Variants in PRIM2 observed in about 807,000 individuals in gnomAD.
PRIM2 encodes the protein DNA primase subunit 2, also known as DNA primase large subunit.
In PRIM2, 39 loss-of-function variants were observed where a neutral mutation model predicts 67.3. The observed-to-expected ratio is 0.58, with a 90% CI of 0.45 to 0.76. PRIM2 has a LOEUF of 0.76. Ranked by LOEUF, PRIM2 falls within the 30% of genes least tolerant of loss-of-function variation. The pLI, the probability that PRIM2 is intolerant of heterozygous loss-of-function variation, is 0.00. For missense variants in PRIM2, 398 were observed against 598.7 expected (o/e 0.66, Z 3.50); for synonymous variants, 143 against 198.7 (o/e 0.72, Z 2.36).
Position 57,454,625 on chromosome 6 carries a change from G to A in PRIM2, c.694-52762G>A, listed in dbSNP as rs1466348257. On this transcript the variant is annotated intron_variant, in intron 7 of 13. Coordinates refer to ENST00000615550, the MANE Select transcript of PRIM2 (RefSeq NM_000947.5). ...AGTTTGTATTTCTGTGGGATTGGTG[G>A]TGATATCCCCTTTATCATTTTTTAT... Among the ~76,000 whole-genome samples, 5 of 152,034 alleles carry A rather than the reference G, an allele frequency of 3.3e-5. No homozygotes were observed. In the East Asian group the frequency reaches 5.8e-4, roughly 18 times the overall value.
At chr6:57,265,084 A>G in the PRIM2 span, among the ~76,000 whole-genome samples, 12 of 152,216 alleles carry the variant, frequency 7.9e-5, no homozygotes, top group Non-Finnish European at 1.5e-4. Context: ...TGTAAGCTGT[A>G]CAGTGCTATA....
chr6:57,287,147 T>C, the PRIM2 span, among the ~76,000 whole-genome samples: 13,000 of 152,228 alleles, frequency 0.085, 589 homozygotes, highest in Non-Finnish European at 0.1. Flanking sequence ...GGAATGCTTT[T>C]ACGGTGTTGG....
At chr6:57,412,646 TA>T (rs1169686652) in intron 7 of PRIM2, among the ~76,000 whole-genome samples, 5 of 152,156 alleles carry the variant, frequency 3.3e-5, no homozygotes, top group Admixed American at 6.5e-5. Flanking sequence ...GTAAAAGTAG[TA>T]ACTTATTGCA....
At chr6:57,598,226 AG>A (rs1776402796) in intron 10 of PRIM2, among the ~76,000 whole-genome samples, 1 of 152,206 alleles carries the variant, frequency 6.6e-6, no homozygotes, top group Admixed American at 6.5e-5. Flanking sequence ...GCCAGCCTTG[AG>A]AGATCACCGA....
At chr6:57,232,482 G>A in the PRIM2 span, among the ~76,000 whole-genome samples, 1 of 152,184 alleles carries the variant, frequency 6.6e-6, no homozygotes, top group Non-Finnish European at 1.5e-5. Context: ...AACTGAGGCG[G>A]AGGTTGCAGT....
chr6:57,599,789 T>A (rs1388701076), intron 10 of PRIM2, among the ~76,000 whole-genome samples: 1 of 152,228 alleles, frequency 6.6e-6, no homozygotes, highest in Non-Finnish European at 1.5e-5. Context: ...TTCCATTAAA[T>A]GTTTTCCAAT....
intron 5 of PRIM2, among the ~76,000 whole-genome samples, chr6:57,338,546 C>G (rs9370577): frequency 0.11 from 15,561 of 144,596 alleles, 973 homozygotes; most frequent in African/African-American, 0.15. Flanking sequence ...ATGCAAGGCT[C>G]GTTCAATATA....
chr6:57,403,252 T>TC (rs1335406411), intron 7 of PRIM2, among the ~76,000 whole-genome samples: 8 of 89,470 alleles, frequency 8.9e-5, no homozygotes, highest in African/African-American at 3.2e-4. Flanking sequence ...GTGAAGAATT[T>TC]TTTTTTTTTT....
intron 5 of PRIM2, among the ~76,000 whole-genome samples, chr6:57,346,029 T>C (rs1768664688): frequency 6.6e-6 from 1 of 152,190 alleles, no homozygotes. Context: ...GAGGTCACTT[T>C]TGTGGCCATC....
At chr6:57,639,632 A>G (rs1192454523) in intron 13 of PRIM2, among the ~76,000 whole-genome samples, 1 of 113,322 alleles carries the variant, frequency 8.8e-6, no homozygotes, top group Non-Finnish European at 1.8e-5. Flanking sequence ...TAGAAAGTTT[A>G]GAAGAAATGG....
chr6:57,228,452 A>T, the PRIM2 span, among the ~76,000 whole-genome samples: 1 of 152,228 alleles, frequency 6.6e-6, no homozygotes, highest in Admixed American at 6.5e-5. Context: ...TTTACCCATA[A>T]CTAGAAACAC....
chr6:57,443,383 C>T (rs1772263870), intron 7 of PRIM2, among the ~76,000 whole-genome samples: 1 of 152,138 alleles, frequency 6.6e-6, no homozygotes, highest in Non-Finnish European at 1.5e-5. Flanking sequence ...TACAAGTGTT[C>T]CCTTTTACTC....
intron 8 of PRIM2, among the ~76,000 whole-genome samples, chr6:57,515,894 G>A (rs1210261281): frequency 1.3e-5 from 2 of 152,074 alleles, no homozygotes; most frequent in Admixed American, 1.3e-4. Flanking sequence ...ATTCCTTACC[G>A]GAGGCTCTGG....
the PRIM2 span, among the ~76,000 whole-genome samples, chr6:57,294,436 G>A: frequency 9.9e-5 from 15 of 152,152 alleles, no homozygotes; most frequent in South Asian, 1.2e-3. Flanking sequence ...AGCCGAGATC[G>A]TGCTACTGCA....
chr6:57,503,937 C>G (rs1774198766), intron 7 of PRIM2, among the ~76,000 whole-genome samples: 1 of 152,096 alleles, frequency 6.6e-6, no homozygotes, highest in African/African-American at 2.4e-5. Context: ...AAGAAATTTT[C>G]CATGAAAAAA....
rs1490020898 is a variant in PRIM2, at chr6:57,491,951, G to A, written c.694-15436G>A. On this transcript the variant is annotated intron_variant, in intron 7 of 13. Transcript: ENST00000615550. ...GTGTGCGTGTGGCCCCTTAGTTTGAGCCGCTCCATATGGATTTATTTCCCC... is the reference window on the plus strand; with the variant it reads ...GTGTGCGTGTGGCCCCTTAGTTTGAACCGCTCCATATGGATTTATTTCCCC... 3.0e-3 allele frequency among the ~76,000 whole-genome samples: 464 copies of A among 152,258 alleles called. 5 individuals are homozygous for A. Among genetic ancestry groups the A allele is most frequent in the Admixed American group, 0.025 (388 of 15,294 alleles).
At chr6:57,523,571 TG>T (rs1439560827) in intron 8 of PRIM2, among the ~76,000 whole-genome samples, 1 of 152,200 alleles carries the variant, frequency 6.6e-6, no homozygotes, top group Non-Finnish European at 1.5e-5. Context: ...TAATCACCCA[TG>T]AAAAGCTGAC....
chr6:57,267,404 G>A, the PRIM2 span, among the ~76,000 whole-genome samples: 2 of 152,012 alleles, frequency 1.3e-5, no homozygotes, highest in African/African-American at 2.4e-5. Flanking sequence ...ATTGAGAAGC[G>A]GGTTACTGTC....
At chr6:57,257,160 A>G in the PRIM2 span, among the ~76,000 whole-genome samples, 25 of 152,318 alleles carry the variant, frequency 1.6e-4, no homozygotes, top group African/African-American at 5.8e-4. Context: ...ACTTGAAGAG[A>G]AAGTTGAAGC....
Sources: gnomAD v4.1 joint callset for allele counts (sites outside exome capture counted in the v4.1 genomes callset) on GRCh38, gnomAD v4.1.1 for gene constraint, MANE v1.5 for transcripts, NCBI Gene and HGNC (gene_info 2026-07-23, HGNC 2026-07-21) for gene names.